The following SMARCA4 variants were observed in gnomAD, a reference collection of about 807,000 sequenced individuals.
SMARCA4 encodes the protein SWI/SNF related BAF chromatin remodeling complex subunit ATPase 4, also known as SWI/SNF-related matrix-associated actin-dependent regulator of chromatin subfamily A member 4.
In SMARCA4, 31 loss-of-function variants were observed where a neutral mutation model predicts 193.9. That is an observed-to-expected ratio of 0.16 (90% CI 0.12 to 0.22). The LOEUF (loss-of-function observed/expected upper bound fraction) is 0.22. SMARCA4 is among the 10% of genes least tolerant of loss of function. The pLI, the probability that SMARCA4 is intolerant of heterozygous loss-of-function variation, is 1.00. For missense variants in SMARCA4, 1,148 were observed against 2,296.0 expected (o/e 0.50, Z 10.22); for synonymous variants, 942 against 933.1 (o/e 1.01, Z -0.17).
chr19:11,059,930 G>A (rs763743559), intron 33 of SMARCA4, 45 bp downstream of exon 33: 222 of 1,613,294 alleles, frequency 1.4e-4, no homozygotes, highest in Non-Finnish European at 1.7e-4. Flanking sequence ...ACGCTGGCCC[G>A]AGAGCCCCCA....
At chr19:10,971,501 T>C (rs2084668333) in intron 1 of SMARCA4, among the ~76,000 whole-genome samples, 1 of 143,764 alleles carries the variant, frequency 7.0e-6, no homozygotes, top group Non-Finnish European at 1.6e-5. Context: ...TTTTTTTTTT[T>C]TTTTTCTCTT....
At chr19:10,996,588 A>AGGCGTT (rs1289468669) in intron 11 of SMARCA4, 44 bp downstream of exon 11, 1 of 1,570,880 alleles carries the variant, frequency 6.4e-7, no homozygotes. Context: ...GCTAGCCCTA[A>AGGCGTT]GGCGTTGGTC....
In SMARCA4 at chr19:11,059,790, C is replaced by A; in HGVS notation, c.4673C>A (p.Thr1558Asn). ...TCCATCGTCTTGCAGTCGGTCTTCA[C>A]CAGCGTGCGGCAGAAAATCGAGAAG... ...EDSIVLQSVFTSVRQKIEKED... is the reference protein window; with the variant it reads ...EDSIVLQSVFNSVRQKIEKED... Residue 1558 changes from threonine (T) to asparagine (N), a missense_variant, in exon 33 of 35, where the codon ACC (threonine) becomes AAC (asparagine). Transcript: ENST00000344626. The A allele has an allele frequency of 6.2e-7, 1 of 1,604,450 alleles. No homozygotes were observed. The highest frequency in any genetic ancestry group is 8.5e-7 in the Non-Finnish European group (1 of 1,175,598).
At chr19:10,996,124 C>G (rs918780080) in intron 9 of SMARCA4, 89 bp from the exon 10 acceptor site, 1 of 1,362,544 alleles carries the variant, frequency 7.3e-7, no homozygotes, top group African/African-American at 1.4e-5. Context: ...TACGCGTGCC[C>G]TCAGTGCGCT....
At chr19:10,971,274 G>A (rs1422044181) in intron 1 of SMARCA4, among the ~76,000 whole-genome samples, 1 of 152,068 alleles carries the variant, frequency 6.6e-6, no homozygotes, top group African/African-American at 2.4e-5. Flanking sequence ...CTGTGCCTTG[G>A]AATATGCCAA....
intron 1 of SMARCA4, among the ~76,000 whole-genome samples, chr19:10,971,170 T>C (rs1342978550): frequency 6.6e-6 from 1 of 152,062 alleles, no homozygotes; most frequent in Non-Finnish European, 1.5e-5. Context: ...CACTCTAGCC[T>C]GGGCAACAAG....
At position 10,994,694 on chromosome 19, in the gene SMARCA4, C is replaced by T. The variant is rs552810508; in HGVS notation, c.1420-134C>T. The T allele has an allele frequency of 3.3e-4, 245 of 750,032 alleles. 1 individual carries two copies. The highest frequency in any genetic ancestry group is 3.1e-3 in the African/African-American group (184 of 58,554). The allele number at this position is 750,032 out of a possible 1,614,324, so 46.5% of individuals were successfully genotyped here. On this transcript the variant is annotated intron_variant, in intron 8 of 34. Coordinates refer to ENST00000344626, the MANE Select transcript of SMARCA4 (RefSeq NM_003072.5). ...CAGGATGATCTCGATCTCCTGACCT[C>T]GTGATCTGCCCTCCTCTGCCTCCCA... is the stretch of plus-strand genomic sequence containing the variant.
At chr19:10,972,528 G>C (rs1383692308) in intron 1 of SMARCA4, among the ~76,000 whole-genome samples, 2 of 152,134 alleles carry the variant, frequency 1.3e-5, no homozygotes, top group African/African-American at 4.8e-5. Flanking sequence ...CAGATGCCTG[G>C]TGTTTGGAAC....
Position 10,995,216 on chromosome 19 carries a change from C to T in SMARCA4, c.1593+215C>T, listed in dbSNP as rs188655036. 6 of 675,330 alleles carry T rather than the reference C, an allele frequency of 8.9e-6. No individual in the cohort carries two copies. In the East Asian group the frequency reaches 1.7e-4, roughly 19 times the overall value. 41.8% of individuals were successfully genotyped at this position (675,330 alleles called of 1,614,324 possible). A position where few individuals can be genotyped will look rare whatever the true frequency, so the allele number is the denominator to read the frequency against. ...TCAGAATGACTGTGTGACCTCAGGC[C>T]ACTTAGCCGGCTCCTCTGCCTTCTC... is the stretch of plus-strand genomic sequence containing the variant. On this transcript the variant is annotated intron_variant, in intron 9 of 34. Coordinates refer to ENST00000344626, the MANE Select transcript of SMARCA4 (RefSeq NM_003072.5).
rs757315422 is a variant in SMARCA4 at position 11,041,574 on chromosome 19, C to T, written c.4424+14C>T. 8.1e-6 allele frequency: 13 copies of T among 1,609,250 alleles called. No homozygotes were observed. The highest frequency in any genetic ancestry group is 6.7e-5 in the African/African-American group (5 of 74,854). Reference sequence around the variant, plus strand: ...GTACAAGGACAGGTAAGCGAGGAGGCGGGGAGGGCGGGGGCTGTAGGGGTC... The same window carrying T: ...GTACAAGGACAGGTAAGCGAGGAGGTGGGGAGGGCGGGGGCTGTAGGGGTC... On this transcript the variant is annotated intron_variant, in intron 30 of 34. Transcript: ENST00000344626. The surrounding 1 kb of genome is among the most constrained non-coding windows in gnomAD (Gnocchi z 5.6).
intron 11 of SMARCA4, among the ~76,000 whole-genome samples, chr19:10,997,303 A>T (rs1480907986): frequency 6.6e-6 from 1 of 152,090 alleles, no homozygotes; most frequent in East Asian, 1.9e-4. Context: ...GGTTCACGCC[A>T]TTCTCCTGCC....
intron 1 of SMARCA4, among the ~76,000 whole-genome samples, chr19:10,976,816 A>T (rs2085169389): frequency 6.7e-6 from 1 of 148,832 alleles, no homozygotes; most frequent in Admixed American, 6.8e-5. Context: ...GCACTTTGGG[A>T]GGCCGAGGCA....
intron 8 of SMARCA4, among the ~76,000 whole-genome samples, chr19:10,992,816 C>T (rs1197550231): frequency 6.6e-6 from 1 of 152,116 alleles, no homozygotes; most frequent in Non-Finnish European, 1.5e-5. Flanking sequence ...TGGTCTCAGA[C>T]TGTTGACCTC....
chr19:11,050,360 C>T (rs973986350), intron 30 of SMARCA4, among the ~76,000 whole-genome samples: 1 of 152,228 alleles, frequency 6.6e-6, no homozygotes, highest in Non-Finnish European at 1.5e-5. Flanking sequence ...TAGGAGGGAC[C>T]TGAATGCAGT....
chr19:10,984,176 G>A lies in SMARCA4; in HGVS notation c.25G>A (p.Gly9Ser), dbSNP rs1568416609. 2 of 1,613,670 alleles carry A rather than the reference G, an allele frequency of 1.2e-6. No individual in the cohort carries two copies. Among genetic ancestry groups the A allele is most frequent in the Non-Finnish European group, 1.7e-6 (2 of 1,179,940 alleles). The change falls in exon 2 of 35, where the codon GGC becomes AGC. Residue 9 changes from glycine to serine, a missense_variant. Transcript: ENST00000344626. The surrounding 1 kb of genome is among the most constrained non-coding windows in gnomAD (Gnocchi z 4.3). ...GATGTCCACTCCAGACCCACCCCTG[G>A]GCGGAACTCCTCGGCCAGGTCCTTC... MSTPDPPL[G>S]GTPRPGPSPG... is the part of the protein sequence containing the mutation.
At chr19:10,968,177 G>A (rs1402168636) in intron 1 of SMARCA4, among the ~76,000 whole-genome samples, 1 of 152,160 alleles carries the variant, frequency 6.6e-6, no homozygotes, top group Non-Finnish European at 1.5e-5. Context: ...TAGTAGAGAC[G>A]GGGTTTCTCC....
chr19:10,980,695 G>T (rs1055686810), intron 1 of SMARCA4: 6 of 151,952 alleles, frequency 3.9e-5, no homozygotes, highest in African/African-American at 7.3e-5. Flanking sequence ...GTGTATGCTC[G>T]TTGGCTTGTC....
rs2146596669 is a variant in SMARCA4, at chr19:11,030,719, G to T, written c.3383-11G>T. 6.2e-7 allele frequency: 1 copy of T among 1,610,074 alleles called. No individual in the cohort carries two copies. Among genetic ancestry groups the T allele is most frequent in the South Asian group, 1.1e-5 (1 of 90,272 alleles). ...CACCCCGCTGACCCTGTTCTCCTCT[G>T]TGCCCGTCAGGAACCACGAAGGCGG... On this transcript the variant is annotated splice_polypyrimidine_tract_variant and intron_variant, in intron 24 of 34. Transcript: ENST00000344626. This position sits in a 1 kb window ranked among gnomAD's most constrained non-coding sequence, Gnocchi z 5.5.
chr19:10,979,682 G>A (rs1005566473), intron 1 of SMARCA4, among the ~76,000 whole-genome samples: 4 of 149,998 alleles, frequency 2.7e-5, no homozygotes, highest in African/African-American at 9.8e-5. Flanking sequence ...TTATTTATAT[G>A]TTACATATAT....
Sources: gnomAD v4.1 joint callset for allele counts (sites outside exome capture counted in the v4.1 genomes callset) on GRCh38, gnomAD v4.1.1 for gene constraint, Gnocchi (gnomAD v3.1) non-coding constraint, MANE v1.5 for transcripts, NCBI Gene and HGNC (gene_info 2026-07-23, HGNC 2026-07-21) for gene names.